The following EXT1 variants were observed in gnomAD, a reference collection of about 807,000 sequenced individuals.
EXT1 encodes the protein exostosin-1.
EXT1 carries 20 observed loss-of-function variants against 82.5 expected under a neutral mutation model. The ratio of observed to expected loss-of-function variants is 0.24; its 90% CI spans 0.17 to 0.35. The LOEUF (loss-of-function observed/expected upper bound fraction) is 0.35, where lower values mean the gene tolerates loss of function less well. Ranked by LOEUF, EXT1 falls within the 10% of genes least tolerant of loss-of-function variation. The pLI is 1.00. For missense variants in EXT1, 757 were observed against 936.5 expected (o/e 0.81, Z 2.50); for synonymous variants, 348 against 350.8 (o/e 0.99, Z 0.09).
chr8:117,895,385 C>T (rs963227772), intron 1 of EXT1, among the ~76,000 whole-genome samples: 7 of 152,086 alleles, frequency 4.6e-5, no homozygotes, highest in African/African-American at 1.7e-4. Flanking sequence ...AGGCATTAGG[C>T]TAGGACAGAA....
intron 1 of EXT1, among the ~76,000 whole-genome samples, chr8:117,910,097 C>G (rs1008519268): frequency 6.6e-6 from 1 of 152,016 alleles, no homozygotes. Flanking sequence ...CCAGGATGGG[C>G]CCTAATACAC....
intron 10 of EXT1, among the ~76,000 whole-genome samples, chr8:117,803,629 C>T (rs932589164): frequency 1.1e-4 from 16 of 152,138 alleles, no homozygotes; most frequent in Non-Finnish European, 1.5e-5. Context: ...AGTCCACAGA[C>T]CCTGGGATTC....
chr8:117,886,838 T>A (rs1813154653), intron 1 of EXT1, among the ~76,000 whole-genome samples: 1 of 152,152 alleles, frequency 6.6e-6, no homozygotes, highest in African/African-American at 2.4e-5. Context: ...GGCTTCAATC[T>A]TCCTAGCTGG....
In EXT1 at chr8:117,807,261, C is replaced by A; in HGVS notation, c.1839G>T (p.Thr613=). The A allele has an allele frequency of 6.2e-7, 1 of 1,614,208 alleles. No individual in the cohort carries two copies. The highest frequency in any genetic ancestry group is 8.5e-7 in the Non-Finnish European group (1 of 1,180,030). ...KERWGYTSKW[T]NDYSMVLTGA... is the part of the protein sequence containing the mutation. The stretch of plus-strand genomic sequence containing the variant: ...CTGTCAACACCATGGAGTAGTCGTT[C>A]GTCCACTTTGATGTGTATCCCCACC... The change falls in exon 9 of 11, where the codon ACG becomes ACT. Residue 613 remains threonine (T), a synonymous_variant. Coordinates refer to ENST00000378204, the MANE Select transcript of EXT1 (RefSeq NM_000127.3).
intron 1 of EXT1, among the ~76,000 whole-genome samples, chr8:117,986,187 CTTT>C (rs1160370973): frequency 4.1e-4 from 26 of 63,466 alleles, no homozygotes; most frequent in African/African-American, 1.5e-3. Context: ...CTATTCTTTT[CTTT>C]TTTTTTTTTT....
chr8:118,087,144 C>CT (rs2129992186), intron 1 of EXT1, among the ~76,000 whole-genome samples: 1 of 152,290 alleles, frequency 6.6e-6, no homozygotes, highest in South Asian at 2.1e-4. Flanking sequence ...ACAGGAGCCC[C>CT]TAGGGATGTG....
At chr8:118,039,377 T>C (rs1047957696) in intron 1 of EXT1, among the ~76,000 whole-genome samples, 14 of 152,000 alleles carry the variant, frequency 9.2e-5, no homozygotes, top group African/African-American at 1.9e-4. Flanking sequence ...CTGGCCAACA[T>C]GGTGAAACCC....
At chr8:118,041,691 AAGG>A (rs1171732825) in intron 1 of EXT1, among the ~76,000 whole-genome samples, 17 of 151,136 alleles carry the variant, frequency 1.1e-4, no homozygotes, top group Admixed American at 6.6e-5. Context: ...GGAAGGAAGG[AAGG>A]AAGGAAGGAA....
rs1586269198 is a variant in EXT1, at chr8:118,093,125, T to C, written c.962+16960A>G. On this transcript the variant is annotated intron_variant, in intron 1 of 10. Coordinates refer to ENST00000378204, the MANE Select transcript of EXT1 (RefSeq NM_000127.3). The stretch of plus-strand genomic sequence containing the variant: ...TGAACTAGAAGAAAGAAATTTTTAT[T>C]TTGTGGAGAAGATACAAGAAAACTT... Among the ~76,000 whole-genome samples, 4 of 152,026 alleles carry C rather than the reference T, an allele frequency of 2.6e-5. No individual in the cohort carries two copies. In the Middle Eastern group the frequency reaches 0.014, roughly 517 times the overall value.
intron 1 of EXT1, among the ~76,000 whole-genome samples, chr8:117,947,072 C>T (rs1021883681): frequency 3.3e-5 from 5 of 152,058 alleles, no homozygotes; most frequent in Non-Finnish European, 5.9e-5. Flanking sequence ...AAAGGGACCA[C>T]AATAAGTTAT....
At chr8:117,916,912 G>GTAA (rs1299332665) in intron 1 of EXT1, among the ~76,000 whole-genome samples, 1 of 151,292 alleles carries the variant, frequency 6.6e-6, no homozygotes, top group Admixed American at 6.6e-5. Flanking sequence ...GTCTCAAAAA[G>GTAA]TAATAATAAT....
chr8:117,996,853 C>A (rs529081915), intron 1 of EXT1, among the ~76,000 whole-genome samples: 9 of 152,164 alleles, frequency 5.9e-5, no homozygotes, highest in Non-Finnish European at 1.0e-4. Context: ...AACATCTTAG[C>A]CCATTCTGGG....
intron 1 of EXT1, among the ~76,000 whole-genome samples, chr8:117,882,422 A>ATTGGTTGG (rs1813076895): frequency 6.6e-6 from 1 of 152,040 alleles, no homozygotes; most frequent in African/African-American, 2.4e-5. Context: ...AGGATGGTTG[A>ATTGGTTGG]TTGGTTGGTT....
chr8:117,832,204 A>C (rs1439314077), intron 3 of EXT1, among the ~76,000 whole-genome samples: 1 of 152,174 alleles, frequency 6.6e-6, no homozygotes, highest in East Asian at 1.9e-4. Context: ...TCACTGTTTT[A>C]TCGTAGCCAC....
intron 1 of EXT1, among the ~76,000 whole-genome samples, chr8:118,098,242 C>T (rs1817654888): frequency 1.3e-5 from 2 of 152,094 alleles, no homozygotes; most frequent in Non-Finnish European, 2.9e-5. Context: ...AAGCTAGGCC[C>T]CCGCTAGGAG....
In EXT1 at chr8:118,081,166, G is replaced by A. The variant is rs886921929; in HGVS notation, c.962+28919C>T. Among the ~76,000 whole-genome samples the A allele has an allele frequency of 1.1e-4, 16 of 152,132 alleles. No homozygotes were observed. The South Asian group carries it at 1.7e-3, about 16-fold the overall frequency. ...GGGGGCTTAGACAATTAAATGACAC[G>A]CAAAAGGATATCAAATACTCATAAC... On this transcript the variant is annotated intron_variant, in intron 1 of 10. Coordinates refer to ENST00000378204, the MANE Select transcript of EXT1 (RefSeq NM_000127.3).
intron 1 of EXT1, among the ~76,000 whole-genome samples, chr8:118,028,651 C>T (rs765278367): frequency 8.5e-5 from 13 of 152,082 alleles, no homozygotes; most frequent in East Asian, 1.9e-4. Context: ...GTAAGCCAGC[C>T]GGGCGTGGTG....
chr8:117,991,072 G>A (rs1036155302), intron 1 of EXT1, among the ~76,000 whole-genome samples: 1 of 151,916 alleles, frequency 6.6e-6, no homozygotes, highest in Admixed American at 6.6e-5. Flanking sequence ...TACACGGAAT[G>A]GAAGAAGGTT....
At position 118,015,295 on chromosome 8, in the gene EXT1, CGA is replaced by C. The variant is rs1815980433; in HGVS notation, c.962+94788_962+94789del. 3.3e-5 allele frequency among the ~76,000 whole-genome samples: 5 copies of C among 152,272 alleles called. No individual in the cohort carries two copies. The South Asian group carries it at 1.0e-3, about 32-fold the overall frequency. ...CATGTTTGTCATGATCACAGAAACT[CGA>C]GAGAGGGGGTAATGTTTAACCCAAG... On this transcript the variant is annotated intron_variant, in intron 1 of 10. Transcript: ENST00000378204.
Sources: gnomAD v4.1 joint callset for allele counts (sites outside exome capture counted in the v4.1 genomes callset) on GRCh38, gnomAD v4.1.1 for gene constraint, MANE v1.5 for transcripts, NCBI Gene and HGNC (gene_info 2026-07-23, HGNC 2026-07-21) for gene names.